Variants in PXDNL observed in about 807,000 individuals in gnomAD.
The protein encoded by PXDNL is probable oxidoreductase PXDNL.
PXDNL carries 145 observed loss-of-function variants against 150.8 expected under a neutral mutation model. The ratio of observed to expected loss-of-function variants is 0.96; its 90% CI spans 0.84 to 1.10. The LOEUF is 1.10. PXDNL is among the 50% of genes least tolerant of loss of function. The pLI, the probability that PXDNL is intolerant of heterozygous loss-of-function variation, is 0.00. For missense variants in PXDNL, 2,087 were observed against 1,873.9 expected (o/e 1.11, Z -2.10); for synonymous variants, 757 against 725.7 (o/e 1.04, Z -0.69).
At chr8:51,593,811 A>C (rs1813501989) in intron 2 of PXDNL, among the ~76,000 whole-genome samples, 3 of 152,318 alleles carry the variant, frequency 2.0e-5, no homozygotes, top group African/African-American at 7.2e-5. Context: ...TGGGAGGCAG[A>C]ACAACCAATC....
At chr8:51,376,544 G>T (rs1003778054) in intron 17 of PXDNL, among the ~76,000 whole-genome samples, 1 of 152,004 alleles carries the variant, frequency 6.6e-6, no homozygotes, top group African/African-American at 2.4e-5. Flanking sequence ...TTGTTACATA[G>T]CTTTATTTGA....
intron 10 of PXDNL, among the ~76,000 whole-genome samples, chr8:51,452,002 G>A (rs1244634928): frequency 6.6e-6 from 1 of 152,184 alleles, no homozygotes; most frequent in Non-Finnish European, 1.5e-5. Flanking sequence ...GCATATTGTG[G>A]TAGAAGAAAT....
chr8:51,465,685 A>G (rs2130054623), intron 8 of PXDNL, among the ~76,000 whole-genome samples: 1 of 152,310 alleles, frequency 6.6e-6, no homozygotes, highest in East Asian at 1.9e-4. Flanking sequence ...GAACTGATAA[A>G]GGATTTCAGT....
intron 19 of PXDNL, among the ~76,000 whole-genome samples, chr8:51,367,100 CAAAAAAAAAAA>C (rs58282258): frequency 0.013 from 719 of 55,288 alleles, 8 homozygotes; most frequent in Middle Eastern, 0.045. Flanking sequence ...ACTCTTGTCT[CAAAAAAAAAAA>C]AAAAAAAAAA....
chr8:51,497,756 A>G (rs1428478236), intron 5 of PXDNL, among the ~76,000 whole-genome samples: 4 of 152,144 alleles, frequency 2.6e-5, no homozygotes, highest in Admixed American at 6.5e-5. Flanking sequence ...AGTTAGAATG[A>G]CGATCATTAA....
chr8:51,482,541 C>T (rs1032723664), intron 6 of PXDNL, among the ~76,000 whole-genome samples: 1 of 151,996 alleles, frequency 6.6e-6, no homozygotes, highest in Non-Finnish European at 1.5e-5. Flanking sequence ...TGGGAGGGGC[C>T]AGGGGCGGAA....
At chr8:51,381,620 GTCTT>G (rs1807544753) in intron 17 of PXDNL, among the ~76,000 whole-genome samples, 1 of 143,442 alleles carries the variant, frequency 7.0e-6, no homozygotes, top group African/African-American at 2.6e-5. Context: ...TATGACTGGT[GTCTT>G]TATTTATTTA....
intron 1 of PXDNL, among the ~76,000 whole-genome samples, chr8:51,807,375 A>C (rs1170004313): frequency 2.0e-5 from 3 of 152,090 alleles, no homozygotes; most frequent in Non-Finnish European, 2.9e-5. Flanking sequence ...CGCCATGACA[A>C]CACCAAGGGA....
At chr8:51,724,499 A>T (rs1027264752) in intron 1 of PXDNL, among the ~76,000 whole-genome samples, 1 of 152,190 alleles carries the variant, frequency 6.6e-6, no homozygotes, top group Non-Finnish European at 1.5e-5. Context: ...AGAAAAAAAA[A>T]GGAAAAATCA....
chr8:51,433,573 T>C (rs1809314968), intron 12 of PXDNL, among the ~76,000 whole-genome samples: 1 of 152,190 alleles, frequency 6.6e-6, no homozygotes, highest in South Asian at 2.1e-4. Context: ...GGTTGACTTT[T>C]AGAACATTTA....
At chr8:51,672,262 A>G (rs935998869) in intron 1 of PXDNL, among the ~76,000 whole-genome samples, 1 of 152,224 alleles carries the variant, frequency 6.6e-6, no homozygotes, top group Admixed American at 6.5e-5. Context: ...GATTAGAGGC[A>G]TGAGCCACCG....
chr8:51,471,115 C>A (rs1810320295), intron 8 of PXDNL, among the ~76,000 whole-genome samples: 1 of 129,094 alleles, frequency 7.7e-6, no homozygotes. Flanking sequence ...TATCCAGAAT[C>A]TACAAGGAAC....
At chr8:51,421,624 G>A (rs575476471) in intron 14 of PXDNL, among the ~76,000 whole-genome samples, 6 of 152,224 alleles carry the variant, frequency 3.9e-5, no homozygotes, top group South Asian at 4.2e-4. Flanking sequence ...GCTTGAACCC[G>A]AGAGTCGGAA....
Position 51,562,429 on chromosome 8 carries a change from C to T in PXDNL, c.309-5518G>A, listed in dbSNP as rs532261475. 3.7e-3 allele frequency among the ~76,000 whole-genome samples: 569 copies of T among 151,962 alleles called. 1 individual carries two copies. Among genetic ancestry groups the T allele is most frequent in the Middle Eastern group, 0.014 (4 of 294 alleles). On this transcript the variant is annotated intron_variant, in intron 3 of 22. Transcript: ENST00000356297. ...TTTATAGCCCCAATAATAACTTATA[C>T]GAATGAAATCACAGAACTCAAACAT... is the stretch of plus-strand genomic sequence containing the variant.
At chr8:51,610,135 G>T (rs57463910) in intron 2 of PXDNL, among the ~76,000 whole-genome samples, 3,635 of 152,122 alleles carry the variant, frequency 0.024, 138 homozygotes, top group African/African-American at 0.084. Flanking sequence ...TTGTCCACAG[G>T]TCAAGTTCCT....
At chr8:51,794,754 A>G (rs779559665) in intron 1 of PXDNL, among the ~76,000 whole-genome samples, 15 of 152,174 alleles carry the variant, frequency 9.9e-5, no homozygotes, top group Non-Finnish European at 2.2e-4. Context: ...TACATCAACA[A>G]GTCTCCAAAA....
In PXDNL at chr8:51,556,957, A is replaced by T. The variant is rs1369842909; in HGVS notation, c.309-46T>A. On this transcript the variant is annotated intron_variant, in intron 3 of 22. Coordinates refer to ENST00000356297, the MANE Select transcript of PXDNL (RefSeq NM_144651.5). Reference sequence around the variant, plus strand: ...CATTAAATTATAAATTAGTAGAGATACCACATGTCTTAGATACAAACTTTT... The same window carrying T: ...CATTAAATTATAAATTAGTAGAGATTCCACATGTCTTAGATACAAACTTTT... 3 of 1,128,308 alleles carry T rather than the reference A, an allele frequency of 2.7e-6. No homozygotes were observed. The African/African-American group carries it at 4.7e-5, about 17-fold the overall frequency. The allele number at this position is 1,128,308 out of a possible 1,614,324, so 69.9% of individuals were successfully genotyped here.
At chr8:51,737,196 G>C (rs1205426785) in intron 1 of PXDNL, among the ~76,000 whole-genome samples, 1 of 152,106 alleles carries the variant, frequency 6.6e-6, no homozygotes, top group Admixed American at 6.5e-5. Flanking sequence ...ATTTGAAAAA[G>C]AAATGCAAAT....
intron 3 of PXDNL, among the ~76,000 whole-genome samples, chr8:51,587,578 C>A (rs1414703449): frequency 6.6e-6 from 1 of 152,134 alleles, no homozygotes; most frequent in African/African-American, 2.4e-5. Context: ...GTGGTATAGT[C>A]AAATGAAAAT....
Sources: allele counts gnomAD v4.1 joint callset (sites outside exome capture counted in the v4.1 genomes callset), GRCh38; gene constraint gnomAD v4.1.1; transcripts MANE v1.5; gene names NCBI Gene and HGNC (gene_info 2026-07-23, HGNC 2026-07-21).